Variants in DNM3 observed in about 807,000 individuals in gnomAD.
DNM3 encodes the protein dynamin-3.
Under a neutral mutation model 101.6 loss-of-function variants are expected in DNM3, and 47 were observed. The ratio of observed to expected loss-of-function variants is 0.46; its 90% CI spans 0.37 to 0.59. The LOEUF is 0.59. Among genes scored for constraint, DNM3 ranks in the 20% least tolerant of loss-of-function variants. The pLI is 0.00. For missense variants in DNM3, 849 were observed against 1,085.7 expected (o/e 0.78, Z 3.06); for synonymous variants, 385 against 387.9 (o/e 0.99, Z 0.09).
chr1:172,039,096 G>A (rs995598713), intron 7 of DNM3, among the ~76,000 whole-genome samples: 5 of 152,076 alleles, frequency 3.3e-5, no homozygotes, highest in Admixed American at 3.3e-4. Flanking sequence ...GCAGAGAATT[G>A]TTAGAGAATT....
chr1:171,912,248 T>TA (rs1363433211), intron 1 of DNM3, among the ~76,000 whole-genome samples: 2 of 152,172 alleles, frequency 1.3e-5, no homozygotes, highest in East Asian at 3.8e-4. Context: ...AAAAGAGTCT[T>TA]ACTCTTTTTA....
intron 11 of DNM3, among the ~76,000 whole-genome samples, chr1:172,077,052 A>G (rs2052716275): frequency 6.6e-6 from 1 of 152,100 alleles, no homozygotes; most frequent in Non-Finnish European, 1.5e-5. Flanking sequence ...GGGAGGGTGT[A>G]TGTATCCAGG....
At chr1:172,135,008 G>A (rs1320032767) in intron 14 of DNM3, among the ~76,000 whole-genome samples, 1 of 152,160 alleles carries the variant, frequency 6.6e-6, no homozygotes, top group Non-Finnish European at 1.5e-5. Flanking sequence ...TGGTTGCCTT[G>A]TGGAGAATGG....
At chr1:172,054,390 T>G (rs6425599) in intron 10 of DNM3, among the ~76,000 whole-genome samples, 52,668 of 152,076 alleles carry the variant, frequency 0.35, 9,968 homozygotes, top group East Asian at 0.68. Flanking sequence ...ACATCTCAAC[T>G]TTGAAATTAT....
At chr1:172,196,086 T>C (rs1426608924) in intron 14 of DNM3, among the ~76,000 whole-genome samples, 2 of 151,722 alleles carry the variant, frequency 1.3e-5, no homozygotes, top group East Asian at 3.9e-4. Flanking sequence ...AGACCCAGTG[T>C]CTCTTGTTTC....
intron 15 of DNM3, among the ~76,000 whole-genome samples, chr1:172,261,012 T>C (rs1184599849): frequency 2.6e-5 from 4 of 151,992 alleles, no homozygotes; most frequent in African/African-American, 9.7e-5. Flanking sequence ...TGGCGTGCAG[T>C]GATTTGATCA....
intron 1 of DNM3, among the ~76,000 whole-genome samples, chr1:171,876,645 T>G (rs10913910): frequency 0.43 from 65,033 of 152,032 alleles, 14,031 homozygotes; most frequent in African/African-American, 0.44. Context: ...CAGATACCTT[T>G]CTCACAGTAG....
chr1:172,284,588 A>C (rs756083484), intron 15 of DNM3, among the ~76,000 whole-genome samples: 5 of 152,194 alleles, frequency 3.3e-5, no homozygotes, highest in Admixed American at 6.5e-5. Context: ...CAAACAAATA[A>C]ATCAAGAAAT....
intron 1 of DNM3, among the ~76,000 whole-genome samples, chr1:171,878,025 T>C (rs868509581): frequency 1.3e-4 from 20 of 152,212 alleles, no homozygotes; most frequent in African/African-American, 4.3e-4. Context: ...AGCACAGTCA[T>C]TGTGGCCTAT....
intron 17 of DNM3, chr1:172,376,596 T>C (rs1224578091): frequency 6.6e-6 from 1 of 152,096 alleles, no homozygotes; most frequent in Non-Finnish European, 1.5e-5. Flanking sequence ...CCCGTTCATC[T>C]TAGACATTGG....
intron 17 of DNM3, chr1:172,376,179 A>G (rs893722400): frequency 1.2e-4 from 19 of 152,180 alleles, no homozygotes; most frequent in African/African-American, 4.1e-4. Flanking sequence ...CTCAATAGCT[A>G]TTTTTAAAAA....
chr1:171,907,404 T>A (rs2038920681), intron 1 of DNM3, among the ~76,000 whole-genome samples: 1 of 151,526 alleles, frequency 6.6e-6, no homozygotes, highest in African/African-American at 2.4e-5. Flanking sequence ...GGCAGGAGAA[T>A]CACTTGAACC....
intron 20 of DNM3, chr1:172,394,530 A>C (rs2069801848): frequency 6.6e-6 from 1 of 152,266 alleles, no homozygotes; most frequent in Non-Finnish European, 1.5e-5. Flanking sequence ...GCCCAGTGGT[A>C]ACTGGCATTA....
At chr1:171,912,277 A>G (rs2039371809) in intron 1 of DNM3, among the ~76,000 whole-genome samples, 1 of 152,164 alleles carries the variant, frequency 6.6e-6, no homozygotes, top group Non-Finnish European at 1.5e-5. Flanking sequence ...GCGCAGGTGT[A>G]TGTAGAGCAC....
chr1:172,100,156 C>T (rs1263120800), intron 13 of DNM3, among the ~76,000 whole-genome samples: 1 of 152,112 alleles, frequency 6.6e-6, no homozygotes, highest in African/African-American at 2.4e-5. Context: ...ATCCATGTGC[C>T]CACTATTGTT....
rs115701420 is a variant in DNM3 at position 171,949,400 on chromosome 1, A to G, written c.235+27579A>G. On this transcript the variant is annotated intron_variant, in intron 2 of 20. Transcript: ENST00000627582. ...CTTGAGGGAAATAAAAATTAAAACC[A>G]TAACCAGGTATTATTTTGTGTTCGT... 6.4e-3 allele frequency among the ~76,000 whole-genome samples: 977 copies of G among 152,236 alleles called. 15 individuals carry two copies. Among genetic ancestry groups the G allele is most frequent in the African/African-American group, 0.021 (887 of 41,538 alleles).
At chr1:172,040,644 C>T (rs2125832394) in intron 7 of DNM3, among the ~76,000 whole-genome samples, 1 of 152,076 alleles carries the variant, frequency 6.6e-6, no homozygotes, top group South Asian at 2.1e-4. Context: ...ATAGACATGG[C>T]AATGTTAATG....
intron 13 of DNM3, among the ~76,000 whole-genome samples, chr1:172,126,394 A>T (rs954007989): frequency 2.6e-5 from 4 of 152,186 alleles, no homozygotes; most frequent in African/African-American, 9.7e-5. Context: ...ATTGCAAGTG[A>T]TATAATGTCA....
At position 172,268,258 on chromosome 1, in the gene DNM3, G is replaced by A. The variant is rs1395748400; in HGVS notation, c.1769+14576G>A. Among the ~76,000 whole-genome samples the A allele has an allele frequency of 4.1e-5, 6 of 147,986 alleles. No individual in the cohort carries two copies. The South Asian group carries it at 6.4e-4, about 16-fold the overall frequency. On this transcript the variant is annotated intron_variant, in intron 15 of 20. Transcript: ENST00000627582. ...CTGTTAAGGGGCTGGATAGGAATACGTGTTCAGCAAGTCAGTAAAAAAAAA... is the reference window on the plus strand; with the variant it reads ...CTGTTAAGGGGCTGGATAGGAATACATGTTCAGCAAGTCAGTAAAAAAAAA...
Sources: gnomAD v4.1 joint callset for allele counts (sites outside exome capture counted in the v4.1 genomes callset) on GRCh38, gnomAD v4.1.1 for gene constraint, MANE v1.5 for transcripts, NCBI Gene and HGNC (gene_info 2026-07-23, HGNC 2026-07-21) for gene names.